XRRA1: variants seen among roughly 807,000 people sequenced by gnomAD.
XRRA1 encodes the protein X-ray radiation resistance-associated protein 1.
Under a neutral mutation model 80.2 loss-of-function variants are expected in XRRA1, and 69 were observed. The observed-to-expected ratio is 0.86, with a 90% confidence interval of 0.71 to 1.05. The LOEUF is 1.05. XRRA1 is among the 50% of genes least tolerant of loss of function. The probability of loss-of-function intolerance (pLI) is 0.00; values close to 1 mark genes in which losing one functional copy is unlikely to be tolerated. For missense variants in XRRA1, 967 were observed against 976.4 expected, an observed-to-expected ratio of 0.99 and a Z score of 0.13; for synonymous variants, 348 against 389.9, an observed-to-expected ratio of 0.89 and a Z score of 1.27.
chr11:74,914,515 C>T (rs535708474), intron 8 of XRRA1, among the ~76,000 whole-genome samples: 1 of 152,116 alleles, frequency 6.6e-6, no homozygotes, highest in African/African-American at 2.4e-5. Flanking sequence ...GGGTACCATA[C>T]ATCCTGGATT....
At chr11:74,932,322 G>A (rs1029331406) in intron 5 of XRRA1, among the ~76,000 whole-genome samples, 1 of 152,182 alleles carries the variant, frequency 6.6e-6, no homozygotes, top group Non-Finnish European at 1.5e-5. Flanking sequence ...CCTCTCCAGG[G>A]TGTGTTTCCT....
intron 10 of XRRA1, among the ~76,000 whole-genome samples, chr11:74,868,408 C>T (rs547233919): frequency 2.8e-4 from 42 of 152,242 alleles, no homozygotes; most frequent in African/African-American, 9.1e-4. Context: ...AGACTGTTAC[C>T]GGCCACTACA....
chr11:74,943,389 T>C (rs1312092883), intron 2 of XRRA1, among the ~76,000 whole-genome samples: 1 of 152,228 alleles, frequency 6.6e-6, no homozygotes, highest in Non-Finnish European at 1.5e-5. Context: ...TCACAGATTG[T>C]TCACCACAGT....
In XRRA1 at chr11:74,902,619, C is replaced by T. The variant is rs1044476739; in HGVS notation, c.1003+3620G>A. On this transcript the variant is annotated intron_variant, in intron 10 of 18. Transcript: ENST00000684022. Reference sequence around the variant, plus strand: ...AATGAGATTCTATCATTTGCAAGAACGTGGATGGAACTGGAGGTCCCTATG... The same window carrying T: ...AATGAGATTCTATCATTTGCAAGAATGTGGATGGAACTGGAGGTCCCTATG... Among the ~76,000 whole-genome samples, 5 of 152,062 alleles carry T rather than the reference C, an allele frequency of 3.3e-5. No homozygotes were observed. In the East Asian group the frequency reaches 5.8e-4, roughly 18 times the overall value.
At chr11:74,943,994 G>GTA (rs1418856869) in intron 2 of XRRA1, among the ~76,000 whole-genome samples, 1 of 151,886 alleles carries the variant, frequency 6.6e-6, no homozygotes, top group Admixed American at 6.5e-5. Context: ...GCTAATTTTC[G>GTA]TATTTTTTGT....
chr11:74,902,469 T>C (rs563458991), intron 10 of XRRA1, among the ~76,000 whole-genome samples: 3 of 152,258 alleles, frequency 2.0e-5, no homozygotes, highest in Non-Finnish European at 4.4e-5. Flanking sequence ...TGCACTCTTA[T>C]GTTTGTTGCA....
At chr11:74,861,240 G>A (rs895052785) in intron 11 of XRRA1, among the ~76,000 whole-genome samples, 10 of 152,164 alleles carry the variant, frequency 6.6e-5, no homozygotes, top group South Asian at 4.1e-4. Context: ...GCCACAAACC[G>A]GTGCCAGTCC....
At chr11:74,945,958 T>A (rs540723973) in intron 1 of XRRA1, among the ~76,000 whole-genome samples, 7 of 151,866 alleles carry the variant, frequency 4.6e-5, no homozygotes, top group African/African-American at 1.2e-4. Context: ...CTTCTTTTTT[T>A]ATTTATTTTT....
rs2050937160 is a variant in XRRA1, at chr11:74,892,210, T to C, written c.1003+14029A>G. On this transcript the variant is annotated intron_variant, in intron 10 of 18. Coordinates refer to ENST00000684022, the MANE Select transcript of XRRA1 (RefSeq NM_001378157.1). ...TGGTACCGGTACCAAAACAGAGATA[T>C]AGACCAATGGAACAGAACAGAGCCC... 2.0e-5 allele frequency among the ~76,000 whole-genome samples: 3 copies of C among 152,018 alleles called. No homozygotes were observed. The South Asian group carries it at 6.2e-4, about 32-fold the overall frequency.
intron 8 of XRRA1, among the ~76,000 whole-genome samples, chr11:74,918,299 A>AGTGTGTGTGTGTGTGTGTGTGT (rs35763136): frequency 6.7e-6 from 1 of 150,050 alleles, no homozygotes; most frequent in Non-Finnish European, 1.5e-5. Flanking sequence ...TTCCTTCCTT[A>AGTGTGTGTGTGTGTGTGTGTGT]GTGTGTGTGT....
At chr11:74,855,052 AAAAAAAG>A (rs968190325) in intron 12 of XRRA1, among the ~76,000 whole-genome samples, 6 of 152,294 alleles carry the variant, frequency 3.9e-5, no homozygotes, top group African/African-American at 1.4e-4. Flanking sequence ...TCTGTCTCAA[AAAAAAAG>A]AAAAAAGAAA....
In XRRA1 at chr11:74,844,225, G is replaced by A; in HGVS notation, c.1986C>T (p.His662=). 2 of 1,613,868 alleles carry A rather than the reference G, an allele frequency of 1.2e-6. No individual in the cohort carries two copies. The highest frequency in any genetic ancestry group is 2.2e-5 in the East Asian group (1 of 44,876). ...GAGTGTCCAGCTTGGGCTTGGAGGAGTGGCACAGGAGTGGGTGCTTCAGCA... is the reference window on the plus strand; with the variant it reads ...GAGTGTCCAGCTTGGGCTTGGAGGAATGGCACAGGAGTGGGTGCTTCAGCA... ...QQMLKHPLLC[H]SSKPKLDTLQ... The change falls in exon 17 of 19, where the codon CAC becomes CAT. Residue 662 remains histidine (H), a synonymous_variant. Coordinates refer to ENST00000684022, the MANE Select transcript of XRRA1 (RefSeq NM_001378157.1).
At chr11:74,931,843 A>C (rs1591534428) in intron 5 of XRRA1, 1 of 152,328 alleles carries the variant, frequency 6.6e-6, no homozygotes, top group East Asian at 1.9e-4. Context: ...ATTGTTCTCC[A>C]AAGTAGTTAA....
chr11:74,906,529 G>T, intron 9 of XRRA1, 73 bp from the exon 10 acceptor site: 1 of 1,514,454 alleles, frequency 6.6e-7, no homozygotes, highest in Non-Finnish European at 8.9e-7. Flanking sequence ...AGCAACTTTA[G>T]GGAAAAAACA....
intron 10 of XRRA1, among the ~76,000 whole-genome samples, chr11:74,879,986 AG>A (rs1326770269): frequency 6.6e-6 from 1 of 151,910 alleles, no homozygotes; most frequent in Non-Finnish European, 1.5e-5. Context: ...TCATAAAATG[AG>A]TTAGGGAGGA....
intron 12 of XRRA1, among the ~76,000 whole-genome samples, chr11:74,853,771 GT>G (rs2040441720): frequency 6.6e-6 from 1 of 152,206 alleles, no homozygotes; most frequent in Non-Finnish European, 1.5e-5. Context: ...AGAGAAAAAT[GT>G]GTGAAAGGCC....
intron 9 of XRRA1, 120 bp downstream of exon 9, chr11:74,907,025 A>C: frequency 1.2e-4 from 164 of 1,336,432 alleles, no homozygotes; most frequent in Non-Finnish European, 1.6e-4. Flanking sequence ...GCCACACAGT[A>C]GAGATAAATT....
At chr11:74,860,257 G>A (rs1441494708) in intron 11 of XRRA1, among the ~76,000 whole-genome samples, 2 of 152,196 alleles carry the variant, frequency 1.3e-5, no homozygotes, top group African/African-American at 2.4e-5. Flanking sequence ...GACTGTGTTT[G>A]GGAACTCAGA....
At chr11:74,894,343 G>A (rs954083906) in intron 10 of XRRA1, among the ~76,000 whole-genome samples, 1 of 152,126 alleles carries the variant, frequency 6.6e-6, no homozygotes, top group Non-Finnish European at 1.5e-5. Context: ...GAGATAATCT[G>A]TACATCAAAC....
Sources: gnomAD v4.1 joint callset for allele counts (sites outside exome capture counted in the v4.1 genomes callset) on GRCh38, gnomAD v4.1.1 for gene constraint, MANE v1.5 for transcripts, NCBI Gene and HGNC (gene_info 2026-07-23, HGNC 2026-07-21) for gene names.